The following C17orf75 variants were observed in gnomAD, a reference collection of about 807,000 sequenced individuals.
The protein encoded by C17orf75 is chromosome 17 open reading frame 75.
In C17orf75, 32 loss-of-function variants were observed where a neutral mutation model predicts 49.6. That is an observed-to-expected ratio of 0.65 (90% CI 0.49 to 0.87). The LOEUF (loss-of-function observed/expected upper bound fraction) is 0.87. C17orf75 is among the 40% of genes least tolerant of loss of function. The probability of loss-of-function intolerance (pLI) is 0.00; values close to 1 mark genes in which losing one functional copy is unlikely to be tolerated. For missense variants in C17orf75, 428 were observed against 473.9 expected (o/e 0.90, Z 0.90); for synonymous variants, 158 against 159.5 (o/e 0.99, Z 0.07).
intron 8 of C17orf75, among the ~76,000 whole-genome samples, chr17:32,334,112 C>T (rs924769625): frequency 1.3e-5 from 2 of 152,212 alleles, no homozygotes; most frequent in African/African-American, 2.4e-5. Flanking sequence ...TTTTTCACTG[C>T]TCTGTTATAT....
At chr17:32,332,823 T>A (rs1485811246) in intron 9 of C17orf75, among the ~76,000 whole-genome samples, 3 of 152,090 alleles carry the variant, frequency 2.0e-5, no homozygotes, top group African/African-American at 7.2e-5. Flanking sequence ...AGAATTTTTT[T>A]TTTTTAGACA....
At chr17:32,342,710 C>T (rs1218552091), upstream of C17orf75, among the ~76,000 whole-genome samples, 1 of 152,144 alleles carries the variant, frequency 6.6e-6, no homozygotes, top group South Asian at 2.1e-4. Context: ...CCGACGCAGG[C>T]GGATCACTTG....
chr17:32,333,232 T>G (rs2041293318), intron 9 of C17orf75, among the ~76,000 whole-genome samples, 185 bp downstream of exon 9: 1 of 152,228 alleles, frequency 6.6e-6, no homozygotes. Context: ...CCCAATTTAT[T>G]AGAAATGATA....
chr17:32,347,015 A>G (rs895758496), upstream of C17orf75, among the ~76,000 whole-genome samples: 2 of 151,162 alleles, frequency 1.3e-5, no homozygotes, highest in African/African-American at 4.9e-5. Context: ...ACAGTGGCAC[A>G]ATCTCAGCTC....
chr17:32,342,333 T>A, upstream of C17orf75: 1 of 843,278 alleles, frequency 1.2e-6, no homozygotes, highest in Non-Finnish European at 1.6e-6. Context: ...CGTACTGAGT[T>A]CGCCTTTACT....
intron 2 of C17orf75, among the ~76,000 whole-genome samples, chr17:32,340,562 G>A (rs1380431996): frequency 2.0e-5 from 3 of 151,464 alleles, no homozygotes; most frequent in East Asian, 3.9e-4. Context: ...GGAGAATGGC[G>A]TGAACCCGGG....
At chr17:32,335,570 C>T in intron 5 of C17orf75, 128 bp from the exon 6 acceptor site, 1 of 1,158,008 alleles carries the variant, frequency 8.6e-7, no homozygotes, top group South Asian at 1.8e-5. Context: ...AAGCTAACAC[C>T]ACCAATTCAA....
chr17:32,345,514 T>C (rs1030432433), upstream of C17orf75, among the ~76,000 whole-genome samples: 5 of 150,236 alleles, frequency 3.3e-5, no homozygotes, highest in African/African-American at 9.8e-5. Context: ...ATTGATATGA[T>C]TGGACATCGA....
At chr17:32,332,683 T>A (rs1401796230) in intron 9 of C17orf75, among the ~76,000 whole-genome samples, 1 of 152,156 alleles carries the variant, frequency 6.6e-6, no homozygotes, top group Non-Finnish European at 1.5e-5. Flanking sequence ...GGAAGACTGC[T>A]TGAACCCAGG....
intron 9 of C17orf75, among the ~76,000 whole-genome samples, chr17:32,332,741 G>T (rs1177947105): frequency 1.3e-5 from 2 of 152,186 alleles, no homozygotes; most frequent in Non-Finnish European, 2.9e-5. Flanking sequence ...ACTCTAGCCT[G>T]AGTGACAGAG....
At position 32,338,189 on chromosome 17, in the gene C17orf75, A is replaced by G. The variant is rs1045506480; in HGVS notation, c.491+19T>C. The G allele has an allele frequency of 4.4e-6, 7 of 1,603,406 alleles. No individual in the cohort carries two copies. In the African/African-American group the frequency reaches 9.4e-5, roughly 22 times the overall value. On this transcript the variant is annotated intron_variant, in intron 4 of 9. Transcript: ENST00000577809. ...CATGTTTTCCTTCCTGATGTTCTCA[A>G]AAACCAAAGAAAGGATATAGCTCAA...
intron 1 of C17orf75, among the ~76,000 whole-genome samples, chr17:32,348,867 C>CTTTTTTTTTTTTTTTTTT (rs561014138): frequency 9.2e-6 from 1 of 108,848 alleles, no homozygotes; most frequent in Non-Finnish European, 1.8e-5. Flanking sequence ...CAGCTCCAGT[C>CTTTTTTTTTTTTTTTTTT]TTTTTTTTTT....
chr17:32,348,955 T>A (rs1338729508), intron 1 of C17orf75, among the ~76,000 whole-genome samples: 7 of 138,436 alleles, frequency 5.1e-5, no homozygotes, highest in South Asian at 2.4e-4. Flanking sequence ...AACCTTCACC[T>A]CCCAGGTCCA....
At chr17:32,345,101 TA>T (rs1455682658), upstream of C17orf75, among the ~76,000 whole-genome samples, 5 of 152,186 alleles carry the variant, frequency 3.3e-5, no homozygotes, top group Non-Finnish European at 7.3e-5. Flanking sequence ...ATATATAAAA[TA>T]ATTTTTAAGC....
intron 8 of C17orf75, 143 bp downstream of exon 8, chr17:32,334,326 T>C: frequency 9.2e-7 from 1 of 1,084,728 alleles, no homozygotes; most frequent in African/African-American, 1.6e-5. Context: ...TTATATTGTT[T>C]TCACCAAGTG....
intron 1 of C17orf75, among the ~76,000 whole-genome samples, chr17:32,349,274 C>T (rs1015471915): frequency 1.3e-5 from 2 of 152,124 alleles, no homozygotes; most frequent in Admixed American, 6.6e-5. Context: ...TGCTTGCTCC[C>T]GTTGACTCCT....
upstream of C17orf75, among the ~76,000 whole-genome samples, chr17:32,343,305 GT>G (rs71144816): frequency 0.21 from 31,121 of 146,246 alleles, 4,033 homozygotes; most frequent in African/African-American, 0.39. Flanking sequence ...TGTGTTTTGT[GT>G]TTTTTTTTTT....
upstream of C17orf75, among the ~76,000 whole-genome samples, chr17:32,344,818 A>G (rs748467930): frequency 2.3e-4 from 34 of 149,908 alleles, no homozygotes; most frequent in Non-Finnish European, 4.5e-4. Context: ...GAGGCAGAAG[A>G]CTCACTTGAA....
chr17:32,347,296 G>A (rs1207999355), intron 1 of C17orf75, among the ~76,000 whole-genome samples: 6 of 150,536 alleles, frequency 4.0e-5, no homozygotes, highest in African/African-American at 9.8e-5. Context: ...TTTTTCCCCC[G>A]AGATGGAGTT....
Sources: gnomAD v4.1 joint callset for allele counts (sites outside exome capture counted in the v4.1 genomes callset) on GRCh38, gnomAD v4.1.1 for gene constraint, MANE v1.5 for transcripts, NCBI Gene and HGNC (gene_info 2026-07-23, HGNC 2026-07-21) for gene names.